The following IL1RAPL1 variants were observed in gnomAD, a reference collection of about 807,000 sequenced individuals.
IL1RAPL1 encodes the protein interleukin 1 receptor accessory protein like 1, also known as interleukin-1 receptor accessory protein-like 1.
Under a neutral mutation model 48.4 loss-of-function variants are expected in IL1RAPL1, and 3 were observed. The observed-to-expected ratio is 0.06, with a 90% confidence interval of 0.03 to 0.16. The LOEUF (loss-of-function observed/expected upper bound fraction) is 0.16, where lower values mean the gene tolerates loss of function less well. IL1RAPL1 is among the 10% of genes least tolerant of loss of function. The pLI, the probability that IL1RAPL1 is intolerant of heterozygous loss-of-function variation, is 1.00. For synonymous variants in IL1RAPL1, 185 were observed against 187.7 expected, an observed-to-expected ratio of 0.99 and a Z score of 0.12; for missense variants, 349 against 530.6, an observed-to-expected ratio of 0.66 and a Z score of 3.36.
intron 2 of IL1RAPL1, among the ~76,000 whole-genome samples, chrX:29,106,696 C>A (rs767820382): frequency 9.0e-6 from 1 of 111,687 alleles, no homozygotes; most frequent in African/African-American, 3.2e-5. Context: ...GAAATTTGAG[C>A]ATAATCTAGG....
intron 5 of IL1RAPL1, among the ~76,000 whole-genome samples, chrX:29,462,734 C>G (rs769465856): frequency 8.9e-6 from 1 of 111,738 alleles, no homozygotes; most frequent in South Asian, 3.8e-4. Context: ...TAAAACTCTT[C>G]CTTAGTGATG....
At chrX:29,120,110 G>A (rs1928752151) in intron 2 of IL1RAPL1, among the ~76,000 whole-genome samples, 1 of 111,726 alleles carries the variant, frequency 9.0e-6, no homozygotes, top group African/African-American at 3.2e-5. Flanking sequence ...ACCCAAGATA[G>A]TTTCTTTTGC....
chrX:29,812,632 C>T (rs1930404861), intron 6 of IL1RAPL1, among the ~76,000 whole-genome samples: 1 of 111,252 alleles, frequency 9.0e-6, no homozygotes, highest in African/African-American at 3.3e-5. Context: ...AAGTGATTTT[C>T]TCTCTAAATT....
At chrX:28,669,387 G>C (rs955885058) in intron 1 of IL1RAPL1, among the ~76,000 whole-genome samples, 1 of 110,249 alleles carries the variant, frequency 9.1e-6, no homozygotes, top group Non-Finnish European at 1.9e-5. Flanking sequence ...GGGAAGCTGA[G>C]GCGGGTGGAT....
intron 2 of IL1RAPL1, among the ~76,000 whole-genome samples, chrX:29,015,653 T>C (rs977446896): frequency 1.2e-4 from 13 of 110,965 alleles, no homozygotes; most frequent in African/African-American, 3.9e-4. Context: ...GCCACTCAAA[T>C]TCACTCTCAT....
chrX:28,654,638 G>A (rs1359501962), intron 1 of IL1RAPL1, among the ~76,000 whole-genome samples: 2 of 111,923 alleles, frequency 1.8e-5, no homozygotes, highest in Non-Finnish European at 3.8e-5. Flanking sequence ...CAATTTATTT[G>A]GTCCATACGT....
At chrX:29,790,716 G>T (rs2147162228) in intron 6 of IL1RAPL1, among the ~76,000 whole-genome samples, 1 of 111,390 alleles carries the variant, frequency 9.0e-6, no homozygotes, top group South Asian at 3.8e-4. Flanking sequence ...TCTCAAAATT[G>T]ACCCTGTCTC....
At chrX:28,704,342 A>G (rs1442212722) in intron 1 of IL1RAPL1, among the ~76,000 whole-genome samples, 1 of 107,247 alleles carries the variant, frequency 9.3e-6, no homozygotes, top group Non-Finnish European at 1.9e-5. Flanking sequence ...TCTATTCCCA[A>G]TTTCATCACG....
chrX:28,625,736 G>A (rs1281686655), intron 1 of IL1RAPL1, among the ~76,000 whole-genome samples: 2 of 104,079 alleles, frequency 1.9e-5, no homozygotes, highest in Middle Eastern at 4.9e-3. Context: ...TAATCAAAAT[G>A]CGTGTGTGTG....
At chrX:29,033,573 C>T (rs1157468885) in intron 2 of IL1RAPL1, among the ~76,000 whole-genome samples, 10 of 111,168 alleles carry the variant, frequency 9.0e-5, no homozygotes, top group Non-Finnish European at 1.5e-4. Flanking sequence ...GAATGACATT[C>T]TTTAAGCTAT....
At chrX:29,222,344 C>A (rs1028401573) in intron 2 of IL1RAPL1, among the ~76,000 whole-genome samples, 21 of 111,858 alleles carry the variant, frequency 1.9e-4, no homozygotes, top group African/African-American at 6.8e-4. Context: ...AATTTTGATA[C>A]TTTTCCAGCT....
intron 7 of IL1RAPL1, among the ~76,000 whole-genome samples, chrX:29,918,146 T>TAA (rs1932816326): frequency 5.1e-5 from 1 of 19,784 alleles, no homozygotes; most frequent in Non-Finnish European, 9.8e-5. Flanking sequence ...AAAAAAAAAA[T>TAA]ATATATATAT....
At position 29,796,314 on chromosome X, in the gene IL1RAPL1, C is replaced by T. The variant is rs7886073; in HGVS notation, c.779-121150C>T. Among the ~76,000 whole-genome samples, 700 of 112,350 alleles carry T rather than the reference C, an allele frequency of 6.2e-3. 4 individuals are homozygous for T. Among genetic ancestry groups the T allele is most frequent in the African/African-American group, 0.022 (673 of 30,920 alleles). ...AACAAATTTTTATTTCATATGCATA[C>T]TCTGCTGAACAATGACTTATATATC... On this transcript the variant is annotated intron_variant, in intron 6 of 10. Coordinates refer to ENST00000378993, the MANE Select transcript of IL1RAPL1 (RefSeq NM_014271.4).
At chrX:29,873,928 A>C (rs1460460931) in intron 6 of IL1RAPL1, among the ~76,000 whole-genome samples, 1 of 112,199 alleles carries the variant, frequency 8.9e-6, no homozygotes, top group Non-Finnish European at 1.9e-5. Context: ...TTGATTTTAC[A>C]GTAGTCTTCC....
At chrX:29,429,894 G>GGTGTGTGT (rs1556011349) in intron 5 of IL1RAPL1, among the ~76,000 whole-genome samples, 47 of 85,100 alleles carry the variant, frequency 5.5e-4, no homozygotes, top group Non-Finnish European at 7.0e-4. Context: ...GTGTGTGTGT[G>GGTGTGTGT]GTGTGTGTGT....
chrX:29,727,064 T>C (rs1228533658), intron 6 of IL1RAPL1, among the ~76,000 whole-genome samples: 1 of 111,727 alleles, frequency 9.0e-6, no homozygotes, highest in Non-Finnish European at 1.9e-5. Flanking sequence ...TTGTCACTGC[T>C]CTATAATTTG....
chrX:28,669,177 T>C (rs941475307), intron 1 of IL1RAPL1, among the ~76,000 whole-genome samples: 1 of 111,478 alleles, frequency 9.0e-6, no homozygotes, highest in Admixed American at 9.6e-5. Flanking sequence ...ACAAACTGTC[T>C]CTTAGGTGCT....
intron 2 of IL1RAPL1, among the ~76,000 whole-genome samples, chrX:28,826,997 G>T (rs1937000236): frequency 9.0e-6 from 1 of 111,233 alleles, no homozygotes; most frequent in Non-Finnish European, 1.9e-5. Context: ...AATTATCTGT[G>T]TAAATATTGG....
intron 2 of IL1RAPL1, among the ~76,000 whole-genome samples, chrX:29,222,350 C>T (rs2147551050): frequency 9.0e-6 from 1 of 111,704 alleles, no homozygotes; most frequent in African/African-American, 3.3e-5. Context: ...GATACTTTTC[C>T]AGCTTCCTAG....
Sources: gnomAD v4.1 joint callset for allele counts (sites outside exome capture counted in the v4.1 genomes callset) on GRCh38, gnomAD v4.1.1 for gene constraint, MANE v1.5 for transcripts, NCBI Gene and HGNC (gene_info 2026-07-23, HGNC 2026-07-21) for gene names.